NUSAP1: variants seen among roughly 807,000 people sequenced by gnomAD.
NUSAP1 encodes the protein nucleolar and spindle-associated protein 1.
Under a neutral mutation model 52.8 loss-of-function variants are expected in NUSAP1, and 32 were observed. That is an observed-to-expected ratio of 0.61 (90% confidence interval 0.46 to 0.81). NUSAP1 has a LOEUF of 0.81. Among genes scored for constraint, NUSAP1 ranks in the 40% least tolerant of loss-of-function variants. The pLI, the probability that NUSAP1 is intolerant of heterozygous loss-of-function variation, is 0.00. For synonymous variants in NUSAP1, 195 were observed against 183.1 expected (o/e 1.06, Z -0.52); for missense variants, 499 against 522.3 (o/e 0.96, Z 0.43).
intron 8 of NUSAP1, among the ~76,000 whole-genome samples, chr15:41,372,870 T>A (rs1207557452): frequency 6.6e-6 from 1 of 152,014 alleles, no homozygotes; most frequent in Non-Finnish European, 1.5e-5. Flanking sequence ...GGTGGATCAC[T>A]TGAGGTCAGA....
chr15:41,349,351 C>CAGCACACAGTAACCT, intron 3 of NUSAP1, 110 bp downstream of exon 3: 1 of 1,111,980 alleles, frequency 9.0e-7, no homozygotes, highest in Non-Finnish European at 1.3e-6. Context: ...TGTAAGGTTA[C>CAGCACACAGTAACCT]TGTGTGCTGT....
At chr15:41,358,316 A>G in intron 6 of NUSAP1, 58 bp downstream of exon 6, 1 of 778,764 alleles carries the variant, frequency 1.3e-6, no homozygotes, top group Non-Finnish European at 2.2e-6. Flanking sequence ...TAATTTTGAA[A>G]CTATATAACA....
At chr15:41,356,596 G>T (rs1235311276) in intron 5 of NUSAP1, among the ~76,000 whole-genome samples, 2 of 151,572 alleles carry the variant, frequency 1.3e-5, no homozygotes, top group Non-Finnish European at 2.9e-5. Context: ...CTCATGATCC[G>T]CCTGCCTCGG....
intron 8 of NUSAP1, among the ~76,000 whole-genome samples, chr15:41,375,174 ATTTTTTTTT>A (rs56152606): frequency 7.8e-6 from 1 of 127,796 alleles, no homozygotes; most frequent in Non-Finnish European, 1.6e-5. Context: ...CGCCCAGCTA[ATTTTTTTTT>A]TTTTTTTTTT....
chr15:41,347,683 G>A (rs181236915), intron 2 of NUSAP1, among the ~76,000 whole-genome samples: 59 of 151,914 alleles, frequency 3.9e-4, no homozygotes, highest in African/African-American at 1.3e-3. Context: ...GCGTGGTGGC[G>A]GGCGCCTGTA....
At position 41,365,465 on chromosome 15, in the gene NUSAP1, G is replaced by GCTT; in HGVS notation, c.727_729dup (p.Ser243dup). The stretch of plus-strand genomic sequence containing the variant: ...ACCTCCAAGAGGAAGACTCTCTGTG[G>GCTT]CTTCTACTCCCATCAGCCAACGACG... On this transcript the variant is annotated inframe_insertion, in exon 7 of 11. Coordinates refer to ENST00000559596, the MANE Select transcript of NUSAP1 (RefSeq NM_016359.5). 6.2e-7 allele frequency: 1 copy of GCTT among 1,612,956 alleles called. No individual in the cohort carries two copies. The highest frequency in any genetic ancestry group is 2.2e-5 in the East Asian group (1 of 44,844).
At chr15:41,335,411 A>G (rs11631396) in intron 1 of NUSAP1, among the ~76,000 whole-genome samples, 2 of 141,410 alleles carry the variant, frequency 1.4e-5, no homozygotes, top group East Asian at 2.0e-4. Context: ...ATATTAATAT[A>G]CTATATGTAC....
chr15:41,363,765 GTTAAT>G (rs2049280057), intron 6 of NUSAP1, among the ~76,000 whole-genome samples: 1 of 152,048 alleles, frequency 6.6e-6, no homozygotes, highest in Admixed American at 6.6e-5. Context: ...AGGCAATAAA[GTTAAT>G]TTTTTCTGCT....
chr15:41,355,233 C>T (rs1282977490), intron 4 of NUSAP1, among the ~76,000 whole-genome samples: 1 of 151,120 alleles, frequency 6.6e-6, no homozygotes, highest in East Asian at 2.0e-4. Flanking sequence ...AGTAGAGTGG[C>T]GTGATCTCAG....
At position 41,342,445 on chromosome 15, in the gene NUSAP1, T is replaced by C; in HGVS notation, c.153T>C (p.Asn51=). The change falls in exon 2 of 11, where the codon AAT becomes AAC. Residue 51 remains asparagine, a synonymous_variant. Coordinates refer to ENST00000559596, the MANE Select transcript of NUSAP1 (RefSeq NM_016359.5). Reference sequence around the variant, plus strand: ...TTAAACATGAGGCAAGAAAAGGAAATGAGAATCAGGTGAGTAATGTTTTTC... The same window carrying C: ...TTAAACATGAGGCAAGAAAAGGAAACGAGAATCAGGTGAGTAATGTTTTTC... ...GYIKHEARKG[N]ENQDESQTSA... is the part of the protein sequence containing the mutation. The C allele has an allele frequency of 6.3e-7, 1 of 1,587,452 alleles. No homozygotes were observed. Among genetic ancestry groups the C allele is most frequent in the African/African-American group, 1.3e-5 (1 of 74,426 alleles).
chr15:41,353,553 C>A (rs185936960), intron 4 of NUSAP1, among the ~76,000 whole-genome samples: 15 of 152,140 alleles, frequency 9.9e-5, no homozygotes, highest in African/African-American at 3.4e-4. Flanking sequence ...CCTTGTTTTA[C>A]GGATACATTG....
At chr15:41,370,627 G>A (rs774977630) in intron 7 of NUSAP1, among the ~76,000 whole-genome samples, 13 of 150,842 alleles carry the variant, frequency 8.6e-5, no homozygotes, top group African/African-American at 2.9e-4. Flanking sequence ...GCGCATGCCT[G>A]TAATCATAGC....
chr15:41,340,479 T>C (rs2048332128), intron 1 of NUSAP1, among the ~76,000 whole-genome samples: 1 of 152,156 alleles, frequency 6.6e-6, no homozygotes, highest in African/African-American at 2.4e-5. Flanking sequence ...TTAATCACTC[T>C]CTAGTGTCTG....
chr15:41,335,748 T>C (rs1249530786), intron 1 of NUSAP1, among the ~76,000 whole-genome samples: 1 of 144,494 alleles, frequency 6.9e-6, no homozygotes, highest in East Asian at 2.0e-4. Context: ...TATAATATAC[T>C]AAATATGCTA....
At chr15:41,363,433 G>T (rs1261387192) in intron 6 of NUSAP1, among the ~76,000 whole-genome samples, 1 of 151,478 alleles carries the variant, frequency 6.6e-6, no homozygotes, top group Non-Finnish European at 1.5e-5. Flanking sequence ...GTAATTCAAT[G>T]GTGCAGTGAT....
Position 41,349,148 on chromosome 15 carries a change from C to G in NUSAP1, c.213C>G (p.Ile71Met). The G allele has an allele frequency of 2.5e-6, 4 of 1,613,828 alleles. No homozygotes were observed. Among genetic ancestry groups the G allele is most frequent in the African/African-American group, 1.3e-5 (1 of 75,026 alleles). ...ASSCDETEIQ[I>M]SNQEEAERQP... ...CTTGTGATGAGACTGAGATACAGATCAGCAACCAGGAAGAAGCTGAGAGAC... is the reference window on the plus strand; with the variant it reads ...CTTGTGATGAGACTGAGATACAGATGAGCAACCAGGAAGAAGCTGAGAGAC... The change falls in exon 3 of 11, where the codon ATC (isoleucine) becomes ATG (methionine). Residue 71 changes from isoleucine to methionine, a missense_variant. Transcript: ENST00000559596.
At chr15:41,346,585 T>C (rs976024827) in intron 2 of NUSAP1, among the ~76,000 whole-genome samples, 39 of 151,834 alleles carry the variant, frequency 2.6e-4, no homozygotes, top group African/African-American at 9.2e-4. Context: ...TCCCAGCACT[T>C]TGGGAGGCCG....
intron 4 of NUSAP1, among the ~76,000 whole-genome samples, chr15:41,355,603 A>T (rs2140672362): frequency 6.6e-6 from 1 of 151,942 alleles, no homozygotes; most frequent in African/African-American, 2.4e-5. Context: ...TGCTGTTTCT[A>T]CCACCATCTT....
intron 5 of NUSAP1, among the ~76,000 whole-genome samples, chr15:41,356,354 C>CTTTTTTTTTTTTT (rs398026995): frequency 1.6e-5 from 2 of 124,644 alleles, no homozygotes; most frequent in Non-Finnish European, 3.3e-5. Flanking sequence ...CTATTTCTTT[C>CTTTTTTTTTTTTT]TTTTTTTTTT....
Sources: allele counts gnomAD v4.1 joint callset (sites outside exome capture counted in the v4.1 genomes callset), GRCh38; gene constraint gnomAD v4.1.1; transcripts MANE v1.5; gene names NCBI Gene and HGNC (gene_info 2026-07-23, HGNC 2026-07-21).